SPART: variants seen among roughly 807,000 people sequenced by gnomAD.
SPART encodes the protein spastic paraplegia 20 (Troyer syndrome).
A neutral mutation model predicts 58.7 loss-of-function variants in SPART; 35 were observed. The ratio of observed to expected loss-of-function variants is 0.60; its 90% CI spans 0.46 to 0.79. SPART has a LOEUF of 0.79. SPART is among the 30% of genes least tolerant of loss of function. SPART has a pLI of 0.00. For synonymous variants in SPART, 284 were observed against 280.7 expected, an observed-to-expected ratio of 1.01 and a Z score of -0.12; for missense variants, 730 against 786.1, an observed-to-expected ratio of 0.93 and a Z score of 0.85.
Position 36,312,304 on chromosome 13 carries a change from T to C in SPART, c.1642+15A>G, listed in dbSNP as rs754878802. On this transcript the variant is annotated intron_variant, in intron 7 of 8. Transcript: ENST00000438666. ...AAACGGACCTTCATAGTTAAAATTCTGGGCCCTTTGTTACCTTGAACACTA... is the reference window on the plus strand; with the variant it reads ...AAACGGACCTTCATAGTTAAAATTCCGGGCCCTTTGTTACCTTGAACACTA... The C allele has an allele frequency of 3.1e-6, 5 of 1,614,080 alleles. No homozygotes were observed. The South Asian group carries it at 4.4e-5, about 14-fold the overall frequency.
chr13:36,365,005 T>G (rs941622699), intron 1 of SPART, among the ~76,000 whole-genome samples: 2 of 152,146 alleles, frequency 1.3e-5, no homozygotes, highest in Non-Finnish European at 2.9e-5. Flanking sequence ...AGAACTAAAC[T>G]GTTTTGCATG....
In SPART at chr13:36,312,142, T is replaced by TA. The variant is rs2137313183; in HGVS notation, c.1733+2dup. 6.2e-7 allele frequency: 1 copy of TA among 1,611,208 alleles called. No homozygotes were observed. The highest frequency in any genetic ancestry group is 8.5e-7 in the Non-Finnish European group (1 of 1,177,394). On this transcript the variant is annotated splice_region_variant and intron_variant, in intron 8 of 8. Coordinates refer to ENST00000438666, the MANE Select transcript of SPART (RefSeq NM_015087.5). ...TTAGTCATTAAAATAAAATTCAACT[T>TA]ACTTGTATCTGACAGTTTGTACAGT...
At chr13:36,350,800 A>G (rs999513898), upstream of SPART, among the ~76,000 whole-genome samples, 1 of 152,230 alleles carries the variant, frequency 6.6e-6, no homozygotes, top group African/African-American at 2.4e-5. Flanking sequence ...AGTAAGATTT[A>G]GGGAGCTGTG....
chr13:36,352,122 C>A (rs951214909), intron 1 of SPART, among the ~76,000 whole-genome samples: 1 of 152,122 alleles, frequency 6.6e-6, no homozygotes, highest in Admixed American at 6.6e-5. Context: ...AAAAGTTGTA[C>A]ATGAGGTAAG....
chr13:36,358,125 A>G (rs1341028247), intron 1 of SPART, among the ~76,000 whole-genome samples: 2 of 152,224 alleles, frequency 1.3e-5, no homozygotes, highest in Admixed American at 1.3e-4. Context: ...TCATAGAAAA[A>G]AAAAGAAAAA....
chr13:36,330,089 G>C (rs976594764), intron 3 of SPART, among the ~76,000 whole-genome samples: 1 of 152,132 alleles, frequency 6.6e-6, no homozygotes, highest in African/African-American at 2.4e-5. Flanking sequence ...ATTGAAGACA[G>C]AAAATAAACA....
intron 1 of SPART, among the ~76,000 whole-genome samples, chr13:36,361,681 C>T (rs1043433360): frequency 1.3e-5 from 2 of 152,104 alleles, no homozygotes; most frequent in African/African-American, 4.8e-5. Context: ...TTACACCACG[C>T]CTGGCCCCTT....
chr13:36,319,416 C>G (rs1307543892), intron 5 of SPART, among the ~76,000 whole-genome samples: 3 of 150,484 alleles, frequency 2.0e-5, no homozygotes, highest in Non-Finnish European at 4.4e-5. Context: ...ATCACCCTTA[C>G]CCCACTCAAC....
At position 36,368,499 on chromosome 13, in the gene SPART, T is replaced by C. The variant is rs140479469; in HGVS notation, c.-3+1590A>G. 2.7e-3 allele frequency: 434 copies of C among 160,028 alleles called. 1 individual carries two copies. The highest frequency in any genetic ancestry group is 4.9e-3 in the Non-Finnish European group (358 of 72,872). The allele number at this position is 160,028 out of a possible 1,614,324, so 9.9% of individuals were successfully genotyped here. Reference sequence around the variant, plus strand: ...ATAGAAAGCTGCCTTTCCTAGTAGATTGCATGCAAGTCATACTGTTAGCTA... The same window carrying C: ...ATAGAAAGCTGCCTTTCCTAGTAGACTGCATGCAAGTCATACTGTTAGCTA... On this transcript the variant is annotated intron_variant, in intron 1 of 8. Transcript: ENST00000355182.
chr13:36,361,169 T>A (rs1265208891), intron 1 of SPART, among the ~76,000 whole-genome samples: 1 of 152,188 alleles, frequency 6.6e-6, no homozygotes, highest in Admixed American at 6.5e-5. Context: ...TATTGCAATC[T>A]TCTGAAAAAT....
Position 36,360,278 on chromosome 13 carries a change from A to ACTCC in SPART, c.-3+9810_-3+9811insGGAG, listed in dbSNP as rs57017641. Among the ~76,000 whole-genome samples, 2 of 134,064 alleles carry ACTCC rather than the reference A, an allele frequency of 1.5e-5. 1 individual carries two copies. Among genetic ancestry groups the ACTCC allele is most frequent in the Non-Finnish European group, 3.2e-5 (2 of 62,956 alleles). 88.0% of individuals were successfully genotyped at this position (134,064 alleles called of 152,430 possible). On this transcript the variant is annotated intron_variant, in intron 1 of 8. Transcript: ENST00000355182. ...CCACTGCACTCCAGCCTGGGTGGAG[A>ACTCC]AAATTTTTGGAGAAAATTCCTGCAT...
chr13:36,337,259 C>T (rs1884102208), intron 1 of SPART, among the ~76,000 whole-genome samples: 1 of 152,198 alleles, frequency 6.6e-6, no homozygotes, highest in Admixed American at 6.5e-5. Flanking sequence ...TCTCTCTGTG[C>T]CCCCTGGGGC....
chr13:36,311,085 A>C (rs1881039232), intron 8 of SPART, among the ~76,000 whole-genome samples: 1 of 152,210 alleles, frequency 6.6e-6, no homozygotes. Flanking sequence ...TAGTAGGAAT[A>C]AACTGGACAC....
intron 1 of SPART, among the ~76,000 whole-genome samples, chr13:36,341,829 T>C (rs574652550): frequency 2.0e-5 from 3 of 152,314 alleles, no homozygotes; most frequent in South Asian, 2.1e-4. Flanking sequence ...CAATTGACCA[T>C]ATACAGACCC....
chr13:36,302,779 T>C lies in SPART; in HGVS notation c.*1586A>G, dbSNP rs914936524. 6.6e-6 allele frequency: 1 copy of C among 152,212 alleles called. No homozygotes were observed. Among genetic ancestry groups the C allele is most frequent in the African/African-American group, 2.4e-5 (1 of 41,466 alleles). The allele number at this position is 152,212 out of a possible 1,614,324, so 9.4% of individuals were successfully genotyped here. ...TCTTTTATTTTTAAATGTATAAAGT[T>C]ATTGTTGACTGTAGTCACCCTGTTG... is the stretch of plus-strand genomic sequence containing the variant. On this transcript the variant is annotated 3_prime_UTR_variant, in exon 9 of 9. Coordinates refer to ENST00000438666, the MANE Select transcript of SPART (RefSeq NM_015087.5).
At chr13:36,304,861 G>A (rs1211600992) in intron 8 of SPART, among the ~76,000 whole-genome samples, 2 of 152,064 alleles carry the variant, frequency 1.3e-5, no homozygotes, top group African/African-American at 4.8e-5. Context: ...AATAAACTCA[G>A]ACTAGCTGAG....
At chr13:36,367,124 G>A (rs892669570) in intron 1 of SPART, among the ~76,000 whole-genome samples, 19 of 152,148 alleles carry the variant, frequency 1.2e-4, no homozygotes, top group Admixed American at 1.0e-3. Context: ...GGTGTCCTTG[G>A]GAAGTTTTCG....
chr13:36,351,938 G>A (rs1352459066), intron 1 of SPART, among the ~76,000 whole-genome samples: 8 of 152,046 alleles, frequency 5.3e-5, no homozygotes, highest in Non-Finnish European at 1.0e-4. Context: ...GTCCAAATTA[G>A]CCATGAATTG....
intron 1 of SPART, 128 bp downstream of exon 1, chr13:36,346,097 T>C (rs1593283390): frequency 6.6e-6 from 1 of 152,028 alleles, no homozygotes; most frequent in Non-Finnish European, 1.5e-5. Context: ...TCGGATGAGG[T>C]CCCCACCCCC....
Sources: allele counts gnomAD v4.1 joint callset (sites outside exome capture counted in the v4.1 genomes callset), GRCh38; gene constraint gnomAD v4.1.1; transcripts MANE v1.5; gene names NCBI Gene and HGNC (gene_info 2026-07-23, HGNC 2026-07-21).